Variants in SLC19A1 observed in about 807,000 individuals in gnomAD.
The protein encoded by SLC19A1 is reduced folate transporter.
A neutral mutation model predicts 35.3 loss-of-function variants in SLC19A1; 37 were observed. That is an observed-to-expected ratio of 1.05 (90% confidence interval 0.81 to 1.38). The LOEUF is 1.38. Among genes scored for constraint, SLC19A1 ranks in the 40% most tolerant of loss-of-function variants. The pLI, the probability that SLC19A1 is intolerant of heterozygous loss-of-function variation, is 0.00. For missense variants in SLC19A1, 831 were observed against 826.9 expected (o/e 1.00, Z -0.06); for synonymous variants, 460 against 398.5 (o/e 1.15, Z -1.84).
At chr21:45,507,101 TGGACTGGGA>T (rs1417863574) in intron 3 of SLC19A1, 2 of 294,550 alleles carry the variant, frequency 6.8e-6, no homozygotes, top group African/African-American at 4.9e-5. Context: ...CAACCTGCCG[TGGACTGGGA>T]GGGCTGGGTG....
intron 1 of SLC19A1, among the ~76,000 whole-genome samples, chr21:45,538,995 C>A (rs545885948): frequency 1.3e-5 from 2 of 152,160 alleles, no homozygotes; most frequent in African/African-American, 2.4e-5. Flanking sequence ...TCCTCCGGTG[C>A]GGGCAAGGGC....
downstream of SLC19A1, chr21:45,509,554 C>G (rs1057518802): frequency 6.5e-7 from 1 of 1,533,292 alleles, no homozygotes; most frequent in Non-Finnish European, 8.7e-7. Context: ...GCGGCCGGCG[C>G]GACCCACAAG....
rs1457338745 is a variant in SLC19A1 at position 45,534,417 on chromosome 21, C to T, written c.190-2269G>A. The T allele has an allele frequency of 8.8e-6, 7 of 791,082 alleles. No individual in the cohort carries two copies. The highest frequency in any genetic ancestry group is 4.7e-4 in the Middle Eastern group (2 of 4,290). The allele number at this position is 791,082 out of a possible 1,614,324, so 49.0% of individuals were successfully genotyped here. A position where few individuals can be genotyped will look rare whatever the true frequency, so the allele number is the denominator to read the frequency against. On this transcript the variant is annotated intron_variant, in intron 2 of 5. Coordinates refer to ENST00000311124, the MANE Select transcript of SLC19A1 (RefSeq NM_194255.4). This position sits in a 1 kb window ranked among gnomAD's most constrained non-coding sequence, Gnocchi z 4.2. ...GGGCATGACAGCCCCAGCCCCTGGCCGGGGCACAGGTTCTGCCCACAGCCC... is the reference window on the plus strand; with the variant it reads ...GGGCATGACAGCCCCAGCCCCTGGCTGGGGCACAGGTTCTGCCCACAGCCC...
intron 1 of SLC19A1, among the ~76,000 whole-genome samples, chr21:45,549,829 G>A: frequency 6.6e-6 from 1 of 150,622 alleles, no homozygotes; most frequent in South Asian, 2.1e-4. Context: ...CGGTGGGGAG[G>A]GGACAGCTGG....
downstream of SLC19A1, among the ~76,000 whole-genome samples, chr21:45,510,435 TCAGGC>T (rs2037512647): frequency 6.6e-6 from 1 of 152,110 alleles, no homozygotes; most frequent in African/African-American, 2.4e-5. Context: ...CCCTCCAGGC[TCAGGC>T]CAGGCCTCTG....
intron 5 of SLC19A1, among the ~76,000 whole-genome samples, chr21:45,522,904 C>T (rs1238197399): frequency 6.6e-6 from 1 of 152,172 alleles, no homozygotes; most frequent in Non-Finnish European, 1.5e-5. Context: ...ATAGAATGTT[C>T]TGGATCCTGA....
chr21:45,521,374 C>G (rs2077433914), intron 5 of SLC19A1, among the ~76,000 whole-genome samples: 1 of 152,158 alleles, frequency 6.6e-6, no homozygotes, highest in Non-Finnish European at 1.5e-5. Context: ...AATCAAAGAT[C>G]TAAATAAATG....
downstream of SLC19A1, among the ~76,000 whole-genome samples, chr21:45,508,680 C>T (rs1402251911): frequency 5.3e-5 from 8 of 152,170 alleles, no homozygotes; most frequent in Admixed American, 3.3e-4. Flanking sequence ...CGGCCTGTCT[C>T]CTCACAGGGT....
intron 1 of SLC19A1, among the ~76,000 whole-genome samples, chr21:45,557,511 C>T (rs1188653929): frequency 2.0e-5 from 3 of 152,108 alleles, no homozygotes; most frequent in Admixed American, 6.5e-5. Context: ...TGTGAGTGTC[C>T]GCCTGGAGTG....
At position 45,515,245 on chromosome 21, in the gene SLC19A1, C is replaced by A; in HGVS notation, c.*413G>T. The A allele has an allele frequency of 6.7e-7, 1 of 1,502,598 alleles. No homozygotes were observed. Among genetic ancestry groups the A allele is most frequent in the South Asian group, 1.3e-5 (1 of 77,104 alleles). The allele number at this position is 1,502,598 out of a possible 1,614,324, so 93.1% of individuals were successfully genotyped here. ...TCACAGCTCAGCTACACCTGAGGGT[C>A]CCGGCTCCCACCCTGCCCTAGAGGG... On this transcript the variant is annotated 3_prime_UTR_variant, in exon 6 of 6. Transcript: ENST00000311124.
chr21:45,525,178 T>G (rs2077565718), intron 5 of SLC19A1, among the ~76,000 whole-genome samples: 1 of 152,176 alleles, frequency 6.6e-6, no homozygotes, highest in African/African-American at 2.4e-5. Context: ...CAGTGAGACC[T>G]GGGCCCCAGG....
At chr21:45,505,997 C>A (rs199511992) in intron 3 of SLC19A1, 11 of 1,612,500 alleles carry the variant, frequency 6.8e-6, no homozygotes, top group Non-Finnish European at 9.3e-6. Flanking sequence ...GTTCTGGACC[C>A]GTGGAAGGGC....
chr21:45,505,955 C>CG, intron 3 of SLC19A1: 1 of 1,613,152 alleles, frequency 6.2e-7, no homozygotes, highest in Non-Finnish European at 8.5e-7. Flanking sequence ...GAACGGGTTC[C>CG]GGAAGGTCCA....
intron 5 of SLC19A1, among the ~76,000 whole-genome samples, chr21:45,521,007 C>T (rs537583941): frequency 5.0e-5 from 7 of 139,652 alleles, no homozygotes; most frequent in East Asian, 2.1e-4. Context: ...GCAACAAGAG[C>T]GAAACTCCAT....
chr21:45,559,507 A>C (rs2078595214), intron 1 of SLC19A1, among the ~76,000 whole-genome samples: 1 of 152,172 alleles, frequency 6.6e-6, no homozygotes, highest in Non-Finnish European at 1.5e-5. Flanking sequence ...ATTTGCTAAG[A>C]TTTATATTTT....
At position 45,505,933 on chromosome 21, in the gene SLC19A1, C is replaced by T. The variant is rs376728632; in HGVS notation, c.498-7321G>A. ...TCGTGGCCGAGCAGGAGGAGCTCTACGTCCGCGTGCAGAACGGGTTCCGGA... is the reference window on the plus strand; with the variant it reads ...TCGTGGCCGAGCAGGAGGAGCTCTATGTCCGCGTGCAGAACGGGTTCCGGA... On this transcript the variant is annotated intron_variant, in intron 3 of 4. Transcript: ENST00000417954. 24 of 1,613,214 alleles carry T rather than the reference C, an allele frequency of 1.5e-5. No individual in the cohort carries two copies. The East Asian group carries it at 1.8e-4, about 12-fold the overall frequency.
At chr21:45,510,294 C>T (rs147320296), downstream of SLC19A1, 163 of 1,565,830 alleles carry the variant, frequency 1.0e-4, no homozygotes, top group Non-Finnish European at 1.3e-4. Flanking sequence ...GCGCGGGCTC[C>T]TCGGCCCCCA....
rs1336456939 is a variant in SLC19A1 at position 45,537,973 on chromosome 21, C to T, written c.-14G>A. 2.3e-5 allele frequency: 35 copies of T among 1,522,170 alleles called. No individual in the cohort carries two copies. Among genetic ancestry groups the T allele is most frequent in the African/African-American group, 2.7e-5 (2 of 73,092 alleles). The allele number at this position is 1,522,170 out of a possible 1,614,324, so 94.3% of individuals were successfully genotyped here. On this transcript the variant is annotated 5_prime_UTR_variant, in exon 2 of 6. The change creates a new upstream start codon in the 5' untranslated region. Coordinates refer to ENST00000311124, the MANE Select transcript of SLC19A1 (RefSeq NM_194255.4). ...GGAGGGCACCATCCTGCTCAGGCCACGTGCAGCTCCGGAGGGGACGAAGGT... is the reference window on the plus strand; with the variant it reads ...GGAGGGCACCATCCTGCTCAGGCCATGTGCAGCTCCGGAGGGGACGAAGGT...
intron 2 of SLC19A1, 132 bp from the exon 3 acceptor site, chr21:45,532,280 C>T: frequency 4.3e-6 from 3 of 698,658 alleles, no homozygotes; most frequent in Non-Finnish European, 7.2e-6. Flanking sequence ...CTCTCCCCAA[C>T]ACGCCCCTGT....
Sources: allele counts gnomAD v4.1 joint callset (sites outside exome capture counted in the v4.1 genomes callset), GRCh38; gene constraint gnomAD v4.1.1; non-coding constraint Gnocchi (gnomAD v3.1); transcripts MANE v1.5; gene names NCBI Gene and HGNC (gene_info 2026-07-23, HGNC 2026-07-21).